NFIA: variants seen among roughly 807,000 people sequenced by gnomAD.
NFIA encodes nuclear factor I A.
In NFIA, 8 loss-of-function variants were observed where a neutral mutation model predicts 62.8. The ratio of observed to expected loss-of-function variants is 0.13; its 90% CI spans 0.07 to 0.23. The LOEUF is 0.23. NFIA is among the 10% of genes least tolerant of loss of function. The pLI is 1.00. For missense variants in NFIA, 410 were observed against 642.1 expected (o/e 0.64, Z 3.91); for synonymous variants, 235 against 238.1 (o/e 0.99, Z 0.12).
intron 2 of NFIA, among the ~76,000 whole-genome samples, chr1:61,245,707 T>A (rs967790227): frequency 5.3e-5 from 8 of 152,172 alleles, no homozygotes; most frequent in Admixed American, 1.3e-4. Flanking sequence ...TTGTTTTTTT[T>A]AAAACTTTGG....
intron 10 of NFIA, among the ~76,000 whole-genome samples, chr1:61,445,390 C>A (rs548732423): frequency 6.6e-6 from 1 of 151,912 alleles, no homozygotes; most frequent in Non-Finnish European, 1.5e-5. Flanking sequence ...TTTGTAGCAA[C>A]GAATATTGCT....
At chr1:61,082,854 C>G (rs1195346930) in intron 1 of NFIA, 36 bp downstream of exon 1, 5 of 937,230 alleles carry the variant, frequency 5.3e-6, no homozygotes, top group Admixed American at 2.2e-5. Flanking sequence ...GCTTGGGGGC[C>G]GGGGCGCCGG....
At chr1:61,328,708 C>T (rs919737947) in intron 3 of NFIA, among the ~76,000 whole-genome samples, 4 of 150,936 alleles carry the variant, frequency 2.7e-5, no homozygotes, top group East Asian at 3.9e-4. Flanking sequence ...CATAAACCAC[C>T]GCACCCGGCC....
chr1:61,373,476 T>G (rs1664001817), intron 6 of NFIA, among the ~76,000 whole-genome samples: 1 of 152,146 alleles, frequency 6.6e-6, no homozygotes, highest in Non-Finnish European at 1.5e-5. Context: ...AACACTGGAA[T>G]TAATAGAGCT....
chr1:61,387,482 T>TGTTTGTTTG (rs1553180862), intron 7 of NFIA, among the ~76,000 whole-genome samples: 13 of 112,078 alleles, frequency 1.2e-4, no homozygotes, highest in East Asian at 8.4e-4. Context: ...TTTTTTTTTT[T>TGTTTGTTTG]TTTTTTTTTG....
At chr1:61,323,553 C>T (rs1168232886) in intron 3 of NFIA, among the ~76,000 whole-genome samples, 1 of 152,050 alleles carries the variant, frequency 6.6e-6, no homozygotes, top group Non-Finnish European at 1.5e-5. Context: ...AAAAATAAGC[C>T]GTATCTCAAA....
chr1:61,228,109 G>A (rs1157228800), intron 2 of NFIA, among the ~76,000 whole-genome samples: 1 of 152,074 alleles, frequency 6.6e-6, no homozygotes, highest in African/African-American at 2.4e-5. Context: ...CATTCACCCT[G>A]CTAAAGAGAG....
At chr1:61,400,661 A>G (rs1665515276) in intron 7 of NFIA, among the ~76,000 whole-genome samples, 2 of 152,198 alleles carry the variant, frequency 1.3e-5, no homozygotes, top group South Asian at 2.1e-4. Flanking sequence ...ACACATCCAT[A>G]AGACATGTTT....
intron 2 of NFIA, among the ~76,000 whole-genome samples, chr1:61,174,492 A>C (rs1354266588): frequency 6.6e-6 from 1 of 152,240 alleles, no homozygotes; most frequent in African/African-American, 2.4e-5. Context: ...GAGATGGTAT[A>C]CCACACCTTT....
chr1:61,230,012 A>G (rs1266880885), intron 2 of NFIA, among the ~76,000 whole-genome samples: 2 of 152,206 alleles, frequency 1.3e-5, no homozygotes, highest in African/African-American at 2.4e-5. Context: ...ATGTCATATT[A>G]TATGACTTAG....
At chr1:61,453,947 G>A (rs1008974632) in intron 10 of NFIA, among the ~76,000 whole-genome samples, 44 of 152,178 alleles carry the variant, frequency 2.9e-4, no homozygotes, top group African/African-American at 8.7e-4. Flanking sequence ...TACAGGATGC[G>A]TAGTTTTTCG....
At chr1:61,082,019 T>A, upstream of NFIA, 1 of 1,548,192 alleles carries the variant, frequency 6.5e-7, no homozygotes, top group Non-Finnish European at 8.7e-7. Flanking sequence ...CGGGGCAACC[T>A]GGCAAAGTTG....
intron 2 of NFIA, among the ~76,000 whole-genome samples, chr1:61,137,475 A>G (rs1199808593): frequency 6.6e-6 from 1 of 152,232 alleles, no homozygotes; most frequent in East Asian, 1.9e-4. Flanking sequence ...AATTTGTCAT[A>G]TAAATTACGG....
intron 2 of NFIA, among the ~76,000 whole-genome samples, chr1:61,234,022 AG>A (rs2100635348): frequency 6.6e-6 from 1 of 152,314 alleles, no homozygotes; most frequent in East Asian, 1.9e-4. Context: ...TCATCTGGTC[AG>A]AAGGGGAAGT....
chr1:61,303,830 G>A (rs1659614452), intron 3 of NFIA, among the ~76,000 whole-genome samples: 1 of 152,196 alleles, frequency 6.6e-6, no homozygotes, highest in South Asian at 2.1e-4. Flanking sequence ...GGAGGCTTTG[G>A]CTTTTCCTCT....
intron 4 of NFIA, among the ~76,000 whole-genome samples, chr1:61,344,245 AAAG>A (rs1036395785): frequency 8.5e-5 from 13 of 152,198 alleles, no homozygotes; most frequent in Admixed American, 7.9e-4. Context: ...CCTTTGATAG[AAAG>A]AAGAACAAGT....
At chr1:61,115,012 C>T (rs566324569) in intron 2 of NFIA, among the ~76,000 whole-genome samples, 10 of 152,316 alleles carry the variant, frequency 6.6e-5, no homozygotes, top group Admixed American at 6.5e-4. Flanking sequence ...TAGAATCTCA[C>T]TCTGTCACCC....
chr1:61,082,695 TCTTCCTCTCTCC>T lies in NFIA; in HGVS notation c.-94_-83del. ...CCTTCTCTCTCTCTCTCTCTCTCTC[TCTTCCTCTCTCC>T]CTCTTTCTCCTCTCTCACCCACACT... On this transcript the variant is annotated 5_prime_UTR_variant, in exon 1 of 11. Transcript: ENST00000403491. The T allele has an allele frequency of 1.3e-6, 2 of 1,542,152 alleles. No homozygotes were observed. The highest frequency in any genetic ancestry group is 8.8e-7 in the Non-Finnish European group (1 of 1,141,460).
chr1:61,082,697 TTC>T lies in NFIA; in HGVS notation c.-94_-93del. On this transcript the variant is annotated 5_prime_UTR_variant, in exon 1 of 11. Coordinates refer to ENST00000403491, the MANE Select transcript of NFIA (RefSeq NM_001134673.4). ...TTCTCTCTCTCTCTCTCTCTCTCTC[TTC>T]CTCTCTCCCTCTTTCTCCTCTCTCA... is the stretch of plus-strand genomic sequence containing the variant. 6.5e-7 allele frequency: 1 copy of T among 1,533,234 alleles called. No homozygotes were observed. Among genetic ancestry groups the T allele is most frequent in the South Asian group, 1.2e-5 (1 of 83,030 alleles). 95.0% of individuals were successfully genotyped at this position (1,533,234 alleles called of 1,614,324 possible). A position where few individuals can be genotyped will look rare whatever the true frequency, so the allele number is the denominator to read the frequency against.
Sources: gnomAD v4.1 joint callset for allele counts (sites outside exome capture counted in the v4.1 genomes callset) on GRCh38, gnomAD v4.1.1 for gene constraint, MANE v1.5 for transcripts, NCBI Gene and HGNC (gene_info 2026-07-23, HGNC 2026-07-21) for gene names.